The following SAMD5 variants were observed in gnomAD, a reference collection of about 807,000 sequenced individuals.
SAMD5 encodes sterile alpha motif domain containing 5, also known as sterile alpha motif domain-containing protein 5.
A neutral mutation model predicts 11.3 loss-of-function variants in SAMD5; 13 were observed. That is an observed-to-expected ratio of 1.15 (90% CI 0.75 to 1.83). The LOEUF is 1.83. SAMD5 is among the 40% of genes most tolerant of loss of function. The probability of loss-of-function intolerance (pLI) is 0.00; values close to 1 mark genes in which losing one functional copy is unlikely to be tolerated. For synonymous variants in SAMD5, 129 were observed against 111.3 expected, an observed-to-expected ratio of 1.16 and a Z score of -1.00; for missense variants, 255 against 239.1, an observed-to-expected ratio of 1.07 and a Z score of -0.44.
chr6:147,769,726 G>C, the SAMD5 span, among the ~76,000 whole-genome samples: 1 of 152,160 alleles, frequency 6.6e-6, no homozygotes, highest in Admixed American at 6.5e-5. Context: ...TATTTGCAAT[G>C]CTTAACCCTG....
the SAMD5 span, among the ~76,000 whole-genome samples, chr6:147,876,534 T>C: frequency 6.6e-6 from 1 of 152,172 alleles, no homozygotes; most frequent in South Asian, 2.1e-4. Flanking sequence ...CACCTCTGAA[T>C]TGACCCATCT....
At chr6:147,559,875 C>T (rs1788920650) in intron 1 of SAMD5, among the ~76,000 whole-genome samples, 1 of 152,134 alleles carries the variant, frequency 6.6e-6, no homozygotes, top group Admixed American at 6.5e-5. Flanking sequence ...ATCCTTCAGC[C>T]TGTTGGGGTT....
intron 1 of SAMD5, among the ~76,000 whole-genome samples, chr6:147,732,506 GTC>G (rs918681209): frequency 1.3e-5 from 2 of 152,118 alleles, no homozygotes; most frequent in African/African-American, 2.4e-5. Flanking sequence ...TCTTACGTAA[GTC>G]TATGGGAAAC....
At chr6:147,800,897 T>G in the SAMD5 span, among the ~76,000 whole-genome samples, 1 of 152,284 alleles carries the variant, frequency 6.6e-6, no homozygotes, top group African/African-American at 2.4e-5. Context: ...AGTTTTTACC[T>G]TATTGAAATA....
chr6:147,566,627 A>G lies in SAMD5; in HGVS notation c.*2171A>G. 1.0e-6 allele frequency: 1 copy of G among 980,658 alleles called. No homozygotes were observed. The highest frequency in any genetic ancestry group is 1.2e-6 in the Non-Finnish European group (1 of 825,284). 60.7% of individuals were successfully genotyped at this position (980,658 alleles called of 1,614,324 possible). A position where few individuals can be genotyped will look rare whatever the true frequency, so the allele number is the denominator to read the frequency against. ...AATATCTAACTTCAATTATTTTGCC[A>G]GGTTTAAACCTTCTCTCTGTGTCTG... On this transcript the variant is annotated 3_prime_UTR_variant, in exon 2 of 2. Coordinates refer to ENST00000367474, the MANE Select transcript of SAMD5 (RefSeq NM_001030060.3).
the SAMD5 span, among the ~76,000 whole-genome samples, chr6:147,940,305 T>C: frequency 6.6e-6 from 1 of 151,946 alleles, no homozygotes; most frequent in Non-Finnish European, 1.5e-5. Flanking sequence ...GATGGGATTT[T>C]ATATAACATA....
the SAMD5 span, among the ~76,000 whole-genome samples, chr6:147,877,783 G>A: frequency 6.6e-6 from 1 of 151,006 alleles, no homozygotes; most frequent in African/African-American, 2.4e-5. Flanking sequence ...TTTTGGGCTT[G>A]TAAGCCCCTA....
intron 1 of SAMD5, among the ~76,000 whole-genome samples, chr6:147,578,202 T>A (rs1157509544): frequency 6.6e-6 from 1 of 152,196 alleles, no homozygotes; most frequent in African/African-American, 2.4e-5. Context: ...AATCTTGCCT[T>A]TGAATTTTTT....
intron 1 of SAMD5, among the ~76,000 whole-genome samples, chr6:147,509,667 G>C (rs956502250): frequency 3.3e-5 from 5 of 152,156 alleles, no homozygotes; most frequent in Non-Finnish European, 1.5e-5. Context: ...GTCAGGAATC[G>C]GACTCGCGCT....
chr6:147,888,885 C>CAA, the SAMD5 span, among the ~76,000 whole-genome samples: 1 of 134,760 alleles, frequency 7.4e-6, no homozygotes, highest in Admixed American at 7.3e-5. Context: ...AACTCCATCT[C>CAA]AAAAAAAAAA....
the SAMD5 span, among the ~76,000 whole-genome samples, chr6:147,815,232 C>T: frequency 1.3e-5 from 2 of 152,210 alleles, no homozygotes; most frequent in Non-Finnish European, 2.9e-5. Flanking sequence ...GTTCACTGCC[C>T]TCTTTCCAAA....
At chr6:147,905,306 G>A in the SAMD5 span, among the ~76,000 whole-genome samples, 4 of 151,624 alleles carry the variant, frequency 2.6e-5, no homozygotes, top group South Asian at 2.1e-4. Context: ...CTCAGCCTCC[G>A]GAGCAGCTGG....
At chr6:147,524,169 C>T (rs182464251) in intron 1 of SAMD5, among the ~76,000 whole-genome samples, 3 of 152,142 alleles carry the variant, frequency 2.0e-5, no homozygotes, top group East Asian at 3.9e-4. Flanking sequence ...TGTTGATATA[C>T]CTACCTTGAA....
At chr6:147,611,537 T>A (rs996333061) in intron 1 of SAMD5, among the ~76,000 whole-genome samples, 4 of 152,116 alleles carry the variant, frequency 2.6e-5, no homozygotes, top group Admixed American at 1.3e-4. Context: ...TACTCCAGCC[T>A]GGGTGACAGA....
chr6:147,568,032 C>T lies in SAMD5; in HGVS notation c.*3576C>T. ...ATGAAGGTATTTCATTAGCTTTCTT[C>T]TCTTTATGGCAGCTTCAGATTGATG... On this transcript the variant is annotated 3_prime_UTR_variant, in exon 2 of 2. Transcript: ENST00000367474. 1 of 985,374 alleles carries T rather than the reference C, an allele frequency of 1.0e-6. No individual in the cohort carries two copies. Among genetic ancestry groups the T allele is most frequent in the Non-Finnish European group, 1.2e-6 (1 of 829,918 alleles). The allele number at this position is 985,374 out of a possible 1,614,324, so 61.0% of individuals were successfully genotyped here. A position where few individuals can be genotyped will look rare whatever the true frequency, so the allele number is the denominator to read the frequency against.
Position 147,569,598 on chromosome 6 carries a change from G to C in SAMD5, c.*5142G>C, listed in dbSNP as rs1221720081. 2 of 984,122 alleles carry C rather than the reference G, an allele frequency of 2.0e-6. No homozygotes were observed. Among genetic ancestry groups the C allele is most frequent in the African/African-American group, 3.5e-5 (2 of 57,190 alleles). 61.0% of individuals were successfully genotyped at this position (984,122 alleles called of 1,614,324 possible). On this transcript the variant is annotated 3_prime_UTR_variant, in exon 2 of 2. Coordinates refer to ENST00000367474, the MANE Select transcript of SAMD5 (RefSeq NM_001030060.3). ...TGAAATGCTGTGTTAAATATCTCCA[G>C]GGCAAAGTGGTATGTTGACTGGGAC...
the SAMD5 span, among the ~76,000 whole-genome samples, chr6:147,746,821 A>G: frequency 6.6e-6 from 1 of 152,248 alleles, no homozygotes; most frequent in East Asian, 1.9e-4. Flanking sequence ...AACGTAAAGC[A>G]GGGGTCACTA....
At chr6:147,601,894 T>TGGG (rs1294321317) in intron 1 of SAMD5, among the ~76,000 whole-genome samples, 3 of 152,188 alleles carry the variant, frequency 2.0e-5, no homozygotes, top group African/African-American at 7.2e-5. Context: ...AGTGTTCATA[T>TGGG]TTCGTGAAAG....
the SAMD5 span, among the ~76,000 whole-genome samples, chr6:147,910,551 C>T: frequency 6.6e-6 from 1 of 152,040 alleles, no homozygotes; most frequent in Admixed American, 6.6e-5. Flanking sequence ...TGCAATGAGT[C>T]GAAAGGCTCA....
Sources: allele counts gnomAD v4.1 joint callset (sites outside exome capture counted in the v4.1 genomes callset), GRCh38; gene constraint gnomAD v4.1.1; transcripts MANE v1.5; gene names NCBI Gene and HGNC (gene_info 2026-07-23, HGNC 2026-07-21).